The following TAFA2 variants were observed in gnomAD, a reference collection of about 807,000 sequenced individuals.
TAFA2 encodes the protein TAFA chemokine like family member 2.
A neutral mutation model predicts 18.8 loss-of-function variants in TAFA2; 7 were observed. The ratio of observed to expected loss-of-function variants is 0.37; its 90% CI spans 0.21 to 0.70. The LOEUF (loss-of-function observed/expected upper bound fraction) is 0.70. TAFA2 is among the 30% of genes least tolerant of loss of function. TAFA2 has a pLI of 0.53. For missense variants in TAFA2, 122 were observed against 158.1 expected (o/e 0.77, Z 1.23); for synonymous variants, 60 against 54.2 (o/e 1.11, Z -0.47).
chr12:61,879,590 C>A, intron 1 of TAFA2: 1 of 764,402 alleles, frequency 1.3e-6, no homozygotes. Context: ...TTCTGCACAC[C>A]CAGGAGAAGG....
At chr12:62,065,090 A>G (rs1447796756) in intron 1 of TAFA2, among the ~76,000 whole-genome samples, 1 of 152,036 alleles carries the variant, frequency 6.6e-6, no homozygotes, top group African/African-American at 2.4e-5. Context: ...CTCAAGATTA[A>G]AATCACACAG....
rs765933750 is a variant in TAFA2 at position 61,873,918 on chromosome 12, T to TA, written c.-1-6493dup. Among the ~76,000 whole-genome samples the TA allele has an allele frequency of 2.6e-5, 4 of 152,292 alleles. No individual in the cohort carries two copies. The East Asian group carries it at 7.7e-4, about 29-fold the overall frequency. ...AAGCACAAGAGACTCATGTAAGTTG[T>TA]ATATATAAAGGGTATACAGTAACAA... On this transcript the variant is annotated intron_variant, in intron 1 of 4. Transcript: ENST00000416284.
intron 1 of TAFA2, among the ~76,000 whole-genome samples, chr12:62,183,205 T>A (rs2062563191): frequency 6.6e-6 from 1 of 152,170 alleles, no homozygotes; most frequent in South Asian, 2.1e-4. Flanking sequence ...ATGATACCTG[T>A]TCCCCCACCC....
intron 1 of TAFA2, chr12:61,878,230 G>A (rs1874954614): frequency 2.7e-6 from 1 of 374,200 alleles, no homozygotes; most frequent in African/African-American, 2.1e-5. Context: ...GAATAGATAA[G>A]TGGTAATGTA....
intron 1 of TAFA2, among the ~76,000 whole-genome samples, chr12:62,173,348 G>T (rs1454770123): frequency 6.6e-6 from 1 of 152,080 alleles, no homozygotes; most frequent in Non-Finnish European, 1.5e-5. Context: ...GGAGGCGGAG[G>T]TTGTGGTGAG....
intron 1 of TAFA2, among the ~76,000 whole-genome samples, chr12:62,052,198 G>C (rs959643555): frequency 1.9e-5 from 1 of 51,674 alleles, no homozygotes; most frequent in African/African-American, 4.9e-5. Context: ...GCATGCGTGC[G>C]TGTGTGCATG....
intron 1 of TAFA2, among the ~76,000 whole-genome samples, chr12:62,001,206 CTT>C (rs1314269486): frequency 6.6e-6 from 1 of 152,068 alleles, no homozygotes; most frequent in Non-Finnish European, 1.5e-5. Flanking sequence ...GAACTGATCT[CTT>C]TTATCCATTC....
At chr12:61,748,832 A>T (rs7961924) in intron 4 of TAFA2, among the ~76,000 whole-genome samples, 47,272 of 151,958 alleles carry the variant, frequency 0.31, 7,553 homozygotes, top group South Asian at 0.38. Context: ...CCAAGAATAA[A>T]CCTTGGTTAG....
At chr12:61,848,808 T>C (rs1873515346) in intron 2 of TAFA2, among the ~76,000 whole-genome samples, 1 of 151,648 alleles carries the variant, frequency 6.6e-6, no homozygotes, top group African/African-American at 2.4e-5. Context: ...ATATGTTACA[T>C]TGGTAAGATA....
intron 1 of TAFA2, among the ~76,000 whole-genome samples, chr12:62,119,530 C>T (rs1592347661): frequency 6.6e-6 from 1 of 152,166 alleles, no homozygotes; most frequent in Non-Finnish European, 1.5e-5. Flanking sequence ...ATCATTGCTC[C>T]ACATATCCAC....
At chr12:61,943,557 C>A (rs537697087) in intron 1 of TAFA2, among the ~76,000 whole-genome samples, 1 of 147,590 alleles carries the variant, frequency 6.8e-6, no homozygotes, top group East Asian at 2.0e-4. Flanking sequence ...TTCAGGAAAC[C>A]CATCTCACGT....
At chr12:61,918,072 A>G (rs1876902721) in intron 1 of TAFA2, among the ~76,000 whole-genome samples, 1 of 152,076 alleles carries the variant, frequency 6.6e-6, no homozygotes, top group South Asian at 2.1e-4. Context: ...GTTACATGAC[A>G]TATTTTGATA....
chr12:62,040,247 C>A (rs1297139099), intron 1 of TAFA2, among the ~76,000 whole-genome samples: 1 of 152,008 alleles, frequency 6.6e-6, no homozygotes, highest in Non-Finnish European at 1.5e-5. Flanking sequence ...GGGAGAAAGA[C>A]AAGACCCAAA....
At chr12:61,918,841 C>A (rs1039796270) in intron 1 of TAFA2, among the ~76,000 whole-genome samples, 1 of 152,128 alleles carries the variant, frequency 6.6e-6, no homozygotes, top group Non-Finnish European at 1.5e-5. Context: ...TTAGCAAGGG[C>A]AACAGGTAAT....
intron 1 of TAFA2, among the ~76,000 whole-genome samples, chr12:62,118,745 T>TC (rs1403032596): frequency 2.0e-5 from 3 of 152,148 alleles, no homozygotes; most frequent in African/African-American, 7.2e-5. Context: ...AAACATCTCT[T>TC]CATATGTTTG....
At chr12:61,986,376 C>G (rs1879818680) in intron 1 of TAFA2, among the ~76,000 whole-genome samples, 1 of 151,580 alleles carries the variant, frequency 6.6e-6, no homozygotes, top group Non-Finnish European at 1.5e-5. Flanking sequence ...GCTGGCCAGG[C>G]TGGTCTAGAA....
At chr12:61,733,571 T>A in intron 4 of TAFA2, among the ~76,000 whole-genome samples, 1 of 148,576 alleles carries the variant, frequency 6.7e-6, no homozygotes, top group Non-Finnish European at 1.5e-5. Flanking sequence ...TTGTCAAAGA[T>A]CAGATAGTTG....
chr12:61,742,557 A>G (rs1489538999), intron 4 of TAFA2, among the ~76,000 whole-genome samples: 1 of 151,846 alleles, frequency 6.6e-6, no homozygotes, highest in Non-Finnish European at 1.5e-5. Context: ...TTTCTTCCAC[A>G]TTAGTTGTTA....
chr12:62,031,083 A>T (rs1398129472), intron 1 of TAFA2, among the ~76,000 whole-genome samples: 4 of 152,132 alleles, frequency 2.6e-5, no homozygotes, highest in Non-Finnish European at 5.9e-5. Context: ...ATGGTAAAGG[A>T]GTCGTGGACT....
Sources: gnomAD v4.1 joint callset for allele counts (sites outside exome capture counted in the v4.1 genomes callset) on GRCh38, gnomAD v4.1.1 for gene constraint, MANE v1.5 for transcripts, NCBI Gene and HGNC (gene_info 2026-07-23, HGNC 2026-07-21) for gene names.